MRC1: variants seen among roughly 807,000 people sequenced by gnomAD.
MRC1 encodes the protein macrophage mannose receptor 1.
A neutral mutation model predicts 102.9 loss-of-function variants in MRC1; 62 were observed. That is an observed-to-expected ratio of 0.60 (90% CI 0.49 to 0.74). MRC1 has a LOEUF of 0.74. MRC1 is among the 30% of genes least tolerant of loss of function. MRC1 has a pLI of 0.00. For missense variants in MRC1, 1,237 were observed against 862.8 expected (o/e 1.43, Z -5.43); for synonymous variants, 457 against 298.4 (o/e 1.53, Z -5.48).
At chr10:17,837,358 C>G (rs1244897167) in intron 4 of MRC1, among the ~76,000 whole-genome samples, 2 of 152,088 alleles carry the variant, frequency 1.3e-5, no homozygotes, top group Non-Finnish European at 2.9e-5. Context: ...AAAACTCTGA[C>G]AGGGAATTTA....
At chr10:17,905,759 C>A (rs1833886678) in intron 26 of MRC1, among the ~76,000 whole-genome samples, 5 of 152,076 alleles carry the variant, frequency 3.3e-5, no homozygotes, top group Admixed American at 3.3e-4. Context: ...AGGTACGGAC[C>A]CTCAAGGTTC....
At chr10:17,815,822 CTTTTTCTTTTCT>C (rs1311694461) in intron 1 of MRC1, among the ~76,000 whole-genome samples, 11 of 132,490 alleles carry the variant, frequency 8.3e-5, no homozygotes, top group African/African-American at 3.5e-4. Context: ...CATTTCATTT[CTTTTTCTTTTCT>C]TTTTTTTTTT....
chr10:17,838,540 C>T (rs1173301689), intron 4 of MRC1, among the ~76,000 whole-genome samples: 2 of 137,548 alleles, frequency 1.5e-5, no homozygotes, highest in Admixed American at 7.5e-5. Flanking sequence ...GCCTGAAAAA[C>T]ACATTGGACC....
chr10:17,856,263 G>C lies in MRC1; in HGVS notation c.1429G>C (p.Gly477Arg). ...KGKDGYWADRGCEWPLGYICK... is the reference protein window; with the variant it reads ...KGKDGYWADRRCEWPLGYICK... The stretch of plus-strand genomic sequence containing the variant: ...GCAGGATGGGTACTGGGCAGATCGG[G>C]GCTGTGAGTGGCCTCTTGGCTACAT... Residue 477 changes from glycine to arginine, a missense_variant, in exon 9 of 30, where the codon GGC becomes CGC. By Grantham distance (125) the Gly-to-Arg change is moderately radical (BLOSUM62 -2). Coordinates refer to ENST00000569591, the MANE Select transcript of MRC1 (RefSeq NM_002438.4). The C allele has an allele frequency of 1.2e-6, 1 of 867,084 alleles. No individual in the cohort carries two copies. 53.7% of individuals were successfully genotyped at this position (867,084 alleles called of 1,614,324 possible). A position where few individuals can be genotyped will look rare whatever the true frequency, so the allele number is the denominator to read the frequency against.
chr10:17,858,610 C>G (rs1833133654), intron 9 of MRC1, among the ~76,000 whole-genome samples: 3 of 152,210 alleles, frequency 2.0e-5, no homozygotes, highest in Non-Finnish European at 4.4e-5. Context: ...GCTTCAGCCT[C>G]CTGAGTAGCT....
At chr10:17,827,007 T>C (rs1050029277) in intron 2 of MRC1, among the ~76,000 whole-genome samples, 1 of 152,158 alleles carries the variant, frequency 6.6e-6, no homozygotes, top group Non-Finnish European at 1.5e-5. Flanking sequence ...TTTAAGGTTT[T>C]TTTTAATCTA....
chr10:17,827,780 T>G, intron 3 of MRC1, 65 bp downstream of exon 3: 1 of 773,998 alleles, frequency 1.3e-6, no homozygotes, highest in South Asian at 1.3e-5. Flanking sequence ...TGAAAGACCT[T>G]GAATTTATCT....
intron 2 of MRC1, among the ~76,000 whole-genome samples, chr10:17,824,196 T>C (rs1838439874): frequency 1.3e-5 from 2 of 152,222 alleles, no homozygotes; most frequent in Admixed American, 1.3e-4. Context: ...CAAATTTCAC[T>C]ATCTGGTGGC....
At chr10:17,813,531 C>G (rs889161862) in intron 1 of MRC1, among the ~76,000 whole-genome samples, 10 of 151,616 alleles carry the variant, frequency 6.6e-5, no homozygotes, top group African/African-American at 2.4e-4. Context: ...GAGAAAAATA[C>G]AAGCACCTTT....
Position 17,861,269 on chromosome 10 carries a change from C to T in MRC1, c.1519-118C>T, listed in dbSNP as rs1006349285. The T allele has an allele frequency of 3.6e-3, 2,034 of 564,308 alleles. 9 individuals carry two copies. Among genetic ancestry groups the T allele is most frequent in the Non-Finnish European group, 3.6e-3 (1,131 of 312,982 alleles). The allele number at this position is 564,308 out of a possible 1,614,324, so 35.0% of individuals were successfully genotyped here. A position where few individuals can be genotyped will look rare whatever the true frequency, so the allele number is the denominator to read the frequency against. On this transcript the variant is annotated intron_variant, in intron 9 of 29. Coordinates refer to ENST00000569591, the MANE Select transcript of MRC1 (RefSeq NM_002438.4). ...CGGAGGTTGCAGTGAGCCAAGATTGCGCCATTGTACTCCAGCCTGGGCGAC... is the reference window on the plus strand; with the variant it reads ...CGGAGGTTGCAGTGAGCCAAGATTGTGCCATTGTACTCCAGCCTGGGCGAC...
intron 12 of MRC1, among the ~76,000 whole-genome samples, chr10:17,869,961 A>G (rs1833331574): frequency 6.6e-6 from 1 of 152,220 alleles, no homozygotes; most frequent in African/African-American, 2.4e-5. Flanking sequence ...GAAGAGCTGT[A>G]TACATAACCC....
chr10:17,836,709 T>G (rs1838669329), intron 4 of MRC1, among the ~76,000 whole-genome samples: 1 of 151,850 alleles, frequency 6.6e-6, no homozygotes, highest in Admixed American at 6.6e-5. Context: ...GGTGGCAGGC[T>G]CCTGTATTCC....
chr10:17,874,490 G>C (rs1833398999), intron 16 of MRC1, among the ~76,000 whole-genome samples: 12 of 152,068 alleles, frequency 7.9e-5, no homozygotes, highest in Admixed American at 7.9e-4. Flanking sequence ...ACTTAATCAT[G>C]TCTATAAAGT....
In MRC1 at chr10:17,813,700, A is replaced by ATATATATATTTTT. The variant is rs1401200082; in HGVS notation, c.61+4175_61+4176insATATATATTTTTT. On this transcript the variant is annotated intron_variant, in intron 1 of 29. Transcript: ENST00000569591. The stretch of plus-strand genomic sequence containing the variant: ...ACACACATTATATATATATATATAT[A>ATATATATATTTTT]TTTTTTTTTTTTTTTGAGACAGGGT... Among the ~76,000 whole-genome samples the ATATATATATTTTT allele has an allele frequency of 9.5e-5, 12 of 125,688 alleles. No homozygotes were observed. In the East Asian group the frequency reaches 2.6e-3, roughly 27 times the overall value. The allele number at this position is 125,688 out of a possible 152,430, so 82.5% of individuals were successfully genotyped here.
intron 1 of MRC1, among the ~76,000 whole-genome samples, chr10:17,813,244 A>C (rs2130570309): frequency 6.6e-6 from 1 of 152,246 alleles, no homozygotes; most frequent in East Asian, 1.9e-4. Context: ...AGTAAGTGCA[A>C]ATTAGGTTAT....
chr10:17,809,483 C>G lies in MRC1; in HGVS notation c.18C>G (p.Leu6=), dbSNP rs1341330079. The change falls in exon 1 of 30, where the codon CTC becomes CTG. Residue 6 remains leucine (L), a synonymous_variant. Transcript: ENST00000569591. MRLPL[L]LVFASVIPGA... ...CCTGGGCCATGAGGCTACCCCTGCT[C>G]CTGGTTTTTGCCTCTGTCATTCCGG... The G allele has an allele frequency of 1.1e-6, 1 of 872,640 alleles. No individual in the cohort carries two copies. Among genetic ancestry groups the G allele is most frequent in the Non-Finnish European group, 2.0e-6 (1 of 501,530 alleles). The allele number at this position is 872,640 out of a possible 1,614,324, so 54.1% of individuals were successfully genotyped here.
At chr10:17,834,041 G>A (rs1162304589) in intron 4 of MRC1, among the ~76,000 whole-genome samples, 5 of 152,152 alleles carry the variant, frequency 3.3e-5, no homozygotes, top group African/African-American at 1.2e-4. Flanking sequence ...CCAACTATTG[G>A]TTTTAAGAGT....
intron 29 of MRC1, 34 bp from the exon 30 acceptor site, chr10:17,910,181 C>G: frequency 2.6e-6 from 2 of 780,276 alleles, no homozygotes; most frequent in South Asian, 2.7e-5. Flanking sequence ...CTGCCTCCCT[C>G]CACGTTTTCC....
At chr10:17,877,814 C>T in intron 17 of MRC1, 86 bp from the exon 18 acceptor site, 1 of 855,804 alleles carries the variant, frequency 1.2e-6, no homozygotes, top group East Asian at 2.4e-5. Context: ...TTCGATTAGG[C>T]TGCCTCATTA....
Sources: gnomAD v4.1 joint callset for allele counts (sites outside exome capture counted in the v4.1 genomes callset) on GRCh38, gnomAD v4.1.1 for gene constraint, MANE v1.5 for transcripts, NCBI Gene and HGNC (gene_info 2026-07-23, HGNC 2026-07-21) for gene names.